Variants in CEP192 observed in about 807,000 individuals in gnomAD.
CEP192 encodes centrosomal protein 192.
In CEP192, 151 loss-of-function variants were observed where a neutral mutation model predicts 271.8. That is an observed-to-expected ratio of 0.56 (90% confidence interval 0.49 to 0.64). The LOEUF (loss-of-function observed/expected upper bound fraction) is 0.64, where lower values mean the gene tolerates loss of function less well. Among genes scored for constraint, CEP192 ranks in the 30% least tolerant of loss-of-function variants. The pLI is 0.00. For synonymous variants in CEP192, 995 were observed against 1,076.5 expected (o/e 0.92, Z 1.48); for missense variants, 2,910 against 3,020.5 (o/e 0.96, Z 0.86).
At chr18:13,121,807 T>C (rs898455729) in intron 44 of CEP192, among the ~76,000 whole-genome samples, 4 of 152,314 alleles carry the variant, frequency 2.6e-5, no homozygotes, top group Non-Finnish European at 5.9e-5. Flanking sequence ...ACCCTGCATG[T>C]CATTTGGGAG....
At chr18:12,996,871 G>A (rs2033280313) in intron 1 of CEP192, among the ~76,000 whole-genome samples, 1 of 152,122 alleles carries the variant, frequency 6.6e-6, no homozygotes, top group Non-Finnish European at 1.5e-5. Context: ...TTGGTGGTGT[G>A]GTGGGATGAA....
In CEP192 at chr18:13,031,072, A is replaced by T. The variant is rs146982565; in HGVS notation, c.1534+464A>T. Among the ~76,000 whole-genome samples, 1,326 of 152,244 alleles carry T rather than the reference A, an allele frequency of 8.7e-3. 12 individuals carry two copies. The highest frequency in any genetic ancestry group is 0.031 in the Middle Eastern group (9 of 294). ...GAAAAGAAACAGGTTGTTGATTAGC[A>T]TCATCCCCGACAGTGAATATAGAAA... On this transcript the variant is annotated intron_variant, in intron 11 of 44. Coordinates refer to ENST00000506447, the MANE Select transcript of CEP192 (RefSeq NM_032142.4).
At chr18:13,085,103 G>A (rs1206824952) in intron 30 of CEP192, among the ~76,000 whole-genome samples, 2 of 152,012 alleles carry the variant, frequency 1.3e-5, no homozygotes, top group Non-Finnish European at 2.9e-5. Context: ...GGGATTACAG[G>A]TGTGAGCCAC....
At chr18:13,084,121 A>G (rs1490748495) in intron 30 of CEP192, among the ~76,000 whole-genome samples, 1 of 152,192 alleles carries the variant, frequency 6.6e-6, no homozygotes, top group Non-Finnish European at 1.5e-5. Flanking sequence ...TCAGAGCTCA[A>G]ACGTCATGCT....
Position 13,122,388 on chromosome 18 carries a change from C to T in CEP192, c.7476-2244C>T, listed in dbSNP as rs1376940837. On this transcript the variant is annotated intron_variant, in intron 44 of 44. Transcript: ENST00000506447. ...AGTGAGCCGAGATCGTGCCACTGCA[C>T]TCCAGCCTGGCAAAAGAGCGAGACA... Among the ~76,000 whole-genome samples the T allele has an allele frequency of 2.0e-5, 3 of 152,144 alleles. No individual in the cohort carries two copies. In the East Asian group the frequency reaches 5.8e-4, roughly 29 times the overall value.
rs2036643740 is a variant in CEP192, at chr18:13,049,282, AG to A, written c.2492del (p.Ser831MetfsTer2). 6.2e-7 allele frequency: 1 copy of A among 1,614,144 alleles called. No homozygotes were observed. Among genetic ancestry groups the A allele is most frequent in the East Asian group, 2.2e-5 (1 of 44,870 alleles). On this transcript the variant is annotated frameshift_variant, in exon 16 of 45. Transcript: ENST00000506447. LOFTEE classifies it high-confidence loss of function. The part of the protein sequence containing the change: ...DIHPVDLSAT[S>X]VSVRAPEENT... ...TCATCCGGTGGACTTAAGTGCTACT[AG>A]TGTAAGTGTGAGGGCACCAGAAGAA... is the stretch of plus-strand genomic sequence containing the variant.
At position 13,036,075 on chromosome 18, in the gene CEP192, G is replaced by A. The variant is rs1462292297; in HGVS notation, c.1535-1162G>A. On this transcript the variant is annotated intron_variant, in intron 11 of 44. Transcript: ENST00000506447. The stretch of plus-strand genomic sequence containing the variant: ...GCAGGAGAATCGCTTGAGCCCAGGA[G>A]GTAGAGGTTGCAGTGAGCCAAGATT... 7.9e-5 allele frequency among the ~76,000 whole-genome samples: 12 copies of A among 152,090 alleles called. No individual in the cohort carries two copies. The East Asian group carries it at 2.1e-3, about 27-fold the overall frequency.
intron 11 of CEP192, among the ~76,000 whole-genome samples, chr18:13,034,820 T>TA (rs33997079): frequency 0.45 from 47,083 of 104,350 alleles, 9,009 homozygotes; most frequent in Middle Eastern, 0.52. Context: ...CTCTGTCTCA[T>TA]AAAAAAAAAA....
At chr18:12,992,021 A>G (rs1278667049) in intron 1 of CEP192, among the ~76,000 whole-genome samples, 1 of 152,166 alleles carries the variant, frequency 6.6e-6, no homozygotes, top group Non-Finnish European at 1.5e-5. Context: ...CTATGATTTC[A>G]TTATCAACAG....
intron 40 of CEP192, among the ~76,000 whole-genome samples, chr18:13,113,355 A>G (rs1292706535): frequency 1.3e-5 from 2 of 152,208 alleles, no homozygotes; most frequent in African/African-American, 4.8e-5. Flanking sequence ...TTTATTGTAC[A>G]TTTTAAGAAA....
intron 30 of CEP192, among the ~76,000 whole-genome samples, chr18:13,080,590 C>G (rs2038546599): frequency 6.6e-6 from 1 of 152,148 alleles, no homozygotes; most frequent in Non-Finnish European, 1.5e-5. Flanking sequence ...CAAACAGGGA[C>G]AATTTGACTT....
chr18:13,048,149 T>C (rs2036580259), intron 15 of CEP192, among the ~76,000 whole-genome samples: 1 of 152,218 alleles, frequency 6.6e-6, no homozygotes, highest in African/African-American at 2.4e-5. Flanking sequence ...TTACCCATGG[T>C]CAACTGAGGT....
chr18:13,033,035 G>T (rs2035723970), intron 11 of CEP192, among the ~76,000 whole-genome samples: 1 of 152,178 alleles, frequency 6.6e-6, no homozygotes, highest in African/African-American at 2.4e-5. Context: ...AGCAGGCTCG[G>T]GTGGTTTGGG....
intron 30 of CEP192, among the ~76,000 whole-genome samples, chr18:13,079,586 T>G (rs2038481361): frequency 6.6e-6 from 1 of 152,232 alleles, no homozygotes; most frequent in Non-Finnish European, 1.5e-5. Context: ...TTCTGTAGGT[T>G]GCCTGTTCAC....
At position 13,060,073 on chromosome 18, in the gene CEP192, C is replaced by T. The variant is rs537373948; in HGVS notation, c.4488+761C>T. Among the ~76,000 whole-genome samples, 6 of 152,266 alleles carry T rather than the reference C, an allele frequency of 3.9e-5. 1 individual carries two copies. The South Asian group carries it at 1.2e-3, about 32-fold the overall frequency. On this transcript the variant is annotated intron_variant, in intron 21 of 44. Transcript: ENST00000506447. Reference sequence around the variant, plus strand: ...CAGGTCTTGATACAGTCCTGAGTCGCTTAACAATAGGGATATGCCCTGAGA... The same window carrying T: ...CAGGTCTTGATACAGTCCTGAGTCGTTTAACAATAGGGATATGCCCTGAGA...
chr18:13,001,993 T>C (rs1434711809), intron 3 of CEP192, among the ~76,000 whole-genome samples: 1 of 152,244 alleles, frequency 6.6e-6, no homozygotes, highest in Non-Finnish European at 1.5e-5. Context: ...ATTAGAATTG[T>C]AGGCGTGAGC....
At position 13,038,390 on chromosome 18, in the gene CEP192, T is replaced by C; in HGVS notation, c.1620T>C (p.His540=). Residue 540 remains histidine, a synonymous_variant, in exon 13 of 45, where the codon CAT becomes CAC. Coordinates refer to ENST00000506447, the MANE Select transcript of CEP192 (RefSeq NM_032142.4). ...CCTAGGAAGAAAACATAGATGCTCA[T>C]AATACTTCGGTTGCACTGGGCGATA... ...QFIQEENIDA[H]NTSVALGDTS... The C allele has an allele frequency of 6.4e-7, 1 of 1,551,566 alleles. No individual in the cohort carries two copies. The highest frequency in any genetic ancestry group is 2.0e-5 in the Admixed American group (1 of 51,008).
chr18:13,058,950 A>G, intron 20 of CEP192, 132 bp from the exon 21 acceptor site: 1 of 651,444 alleles, frequency 1.5e-6, no homozygotes, highest in Non-Finnish European at 2.7e-6. Flanking sequence ...AGGTTTTGAC[A>G]TTTTTGAAGA....
intron 36 of CEP192, among the ~76,000 whole-genome samples, 159 bp from the exon 37 acceptor site, chr18:13,099,317 G>C (rs2039594407): frequency 6.6e-6 from 1 of 152,144 alleles, no homozygotes; most frequent in South Asian, 2.1e-4. Flanking sequence ...ATGAACTTGT[G>C]GGAGCCATGT....
Sources: gnomAD v4.1 joint callset for allele counts (sites outside exome capture counted in the v4.1 genomes callset) on GRCh38, gnomAD v4.1.1 for gene constraint, MANE v1.5 for transcripts, NCBI Gene and HGNC (gene_info 2026-07-23, HGNC 2026-07-21) for gene names.